The following MYO7B variants were observed in gnomAD, a reference collection of about 807,000 sequenced individuals.
The protein encoded by MYO7B is myosin VIIB, also known as unconventional myosin-VIIb.
MYO7B carries 212 observed loss-of-function variants against 259.7 expected under a neutral mutation model. That is an observed-to-expected ratio of 0.82 (90% CI 0.73 to 0.91). The LOEUF is 0.91. Among genes scored for constraint, MYO7B ranks in the 40% least tolerant of loss-of-function variants. The pLI is 0.00. For missense variants in MYO7B, 2,732 were observed against 2,813.5 expected, an observed-to-expected ratio of 0.97 and a Z score of 0.66; for synonymous variants, 1,197 against 1,166.4, an observed-to-expected ratio of 1.03 and a Z score of -0.54.
Position 127,588,539 on chromosome 2 carries a change from G to T in MYO7B, c.1838G>T (p.Gly613Val). ...GHGTIRQAKA[G>V]NHLFKSADSN... The stretch of plus-strand genomic sequence containing the variant: ...GGGACCATCCGCCAGGCAAAGGCAG[G>T]AAACCATCTCTTCAAGGTGGGCTCC... The change falls in exon 15 of 48, where the codon GGA becomes GTA. Residue 613 changes from glycine (G) to valine (V), a missense_variant. By Grantham distance (109) the Gly-to-Val change is moderately radical. Around this residue, in one of 3 missense-constraint regions of MYO7B, gnomAD observed 1,906 missense variants for 2,026.4 expected, o/e 0.94. Transcript: ENST00000409816. The T allele has an allele frequency of 1.2e-6, 2 of 1,613,244 alleles. No homozygotes were observed. Among genetic ancestry groups the T allele is most frequent in the Non-Finnish European group, 1.7e-6 (2 of 1,179,860 alleles).
Position 127,559,541 on chromosome 2 carries a change from A to G in MYO7B, c.-23-159A>G. The G allele has an allele frequency of 1.5e-6, 1 of 665,120 alleles. No homozygotes were observed. The highest frequency in any genetic ancestry group is 2.7e-6 in the Non-Finnish European group (1 of 370,444). The allele number at this position is 665,120 out of a possible 1,614,324, so 41.2% of individuals were successfully genotyped here. On this transcript the variant is annotated intron_variant, in intron 1 of 47. Transcript: ENST00000409816. The surrounding 1 kb of genome is among the most constrained non-coding windows in gnomAD (Gnocchi z 4.1). The stretch of plus-strand genomic sequence containing the variant: ...GAACAGCTCTTGCACTTGGGCTAGG[A>G]CTGTGACTCATTCATCCATTTATTC...
chr2:127,631,317 C>G lies in MYO7B; in HGVS notation c.5049C>G (p.Val1683=). Residue 1683 remains valine (V), a synonymous_variant, in exon 37 of 48, where the codon GTC becomes GTG. Coordinates refer to ENST00000409816, the MANE Select transcript of MYO7B (RefSeq NM_001393586.1). The part of the protein sequence containing the change: ...EPLRQPLLKR[V]HANVDLWDIA... ...TGCGACAGCCGCTGCTCAAGCGAGT[C>G]CACGCCAACGTCGACCTCTGGGACA... 1 of 1,612,204 alleles carries G rather than the reference C, an allele frequency of 6.2e-7. No individual in the cohort carries two copies. The highest frequency in any genetic ancestry group is 1.1e-5 in the South Asian group (1 of 91,052).
chr2:127,629,751 A>C lies in MYO7B; in HGVS notation c.4731A>C (p.Thr1577=). ...GGACCCTCGGCCAGAACGACAGGACAGGCAAGACGGGGCTGGTGCCCATGG... is the reference window on the plus strand; with the variant it reads ...GGACCCTCGGCCAGAACGACAGGACCGGCAAGACGGGGCTGGTGCCCATGG... The part of the protein sequence containing the change: ...ENWTLGQNDR[T]GKTGLVPMAC... The change falls in exon 35 of 48, where the codon ACA becomes ACC. Residue 1577 remains threonine, a synonymous_variant. Transcript: ENST00000409816. 2 of 1,611,740 alleles carry C rather than the reference A, an allele frequency of 1.2e-6. No homozygotes were observed. Among genetic ancestry groups the C allele is most frequent in the Non-Finnish European group, 1.7e-6 (2 of 1,179,132 alleles).
intron 6 of MYO7B, among the ~76,000 whole-genome samples, chr2:127,573,444 G>C (rs1033732697): frequency 6.6e-6 from 1 of 152,192 alleles, no homozygotes; most frequent in Non-Finnish European, 1.5e-5. Flanking sequence ...TGGACACGCT[G>C]TTGGCACTCC....
At chr2:127,622,222 C>A in intron 28 of MYO7B, 121 bp downstream of exon 28, 1 of 1,344,610 alleles carries the variant, frequency 7.4e-7, no homozygotes, top group Non-Finnish European at 9.9e-7. Flanking sequence ...GCCCCGCCAT[C>A]TCCTCTGCAG....
Position 127,622,019 on chromosome 2 carries a change from A to G in MYO7B, c.3563A>G (p.Tyr1188Cys), listed in dbSNP as rs1397831888. 12 of 1,551,644 alleles carry G rather than the reference A, an allele frequency of 7.7e-6. No homozygotes were observed. Among genetic ancestry groups the G allele is most frequent in the Non-Finnish European group, 9.6e-6 (11 of 1,146,968 alleles). Residue 1188 changes from tyrosine to cysteine, a missense_variant, in exon 28 of 48, where the codon TAC becomes TGC. By Grantham distance (194) the Tyr-to-Cys change is radical. Transcript: ENST00000409816. ...LNFIGQGPAT[Y>C]GPFCAERLRR... Reference sequence around the variant, plus strand: ...TTCATCGGCCAAGGGCCGGCGACCTACGGCCCCTTCTGTGCCGAGCGCCTG... The same window carrying G: ...TTCATCGGCCAAGGGCCGGCGACCTGCGGCCCCTTCTGTGCCGAGCGCCTG...
intron 38 of MYO7B, 86 bp from the exon 39 acceptor site, chr2:127,632,160 C>T: frequency 3.4e-6 from 5 of 1,470,580 alleles, no homozygotes; most frequent in Non-Finnish European, 2.7e-6. Flanking sequence ...CCAGGCAGCT[C>T]TCACATCCGT....
At position 127,637,320 on chromosome 2, in the gene MYO7B, A is replaced by T. The variant is rs755945906; in HGVS notation, c.6332A>T (p.Tyr2111Phe). The change falls in exon 48 of 48, where the codon TAT becomes TTT. Residue 2111 changes from tyrosine to phenylalanine, a missense_variant. Tyr to Phe is a conservative substitution (Grantham distance 22). Around this residue, in one of 3 missense-constraint regions of MYO7B, gnomAD observed 821 missense variants for 769.3 expected, o/e 1.07. Transcript: ENST00000409816. ...SRLLCETSLG[Y>F]KMDDLLTSYV... is the part of the protein sequence containing the mutation. ...ACCCCCCCGTCCCCTGTCCAGGGCTATAAGATGGATGACCTGCTGACCTCA... is the reference window on the plus strand; with the variant it reads ...ACCCCCCCGTCCCCTGTCCAGGGCTTTAAGATGGATGACCTGCTGACCTCA... The T allele has an allele frequency of 1.7e-5, 27 of 1,582,210 alleles. No homozygotes were observed. The highest frequency in any genetic ancestry group is 2.3e-5 in the Non-Finnish European group (27 of 1,163,902).
rs1268661872 is a variant in MYO7B at position 127,546,222 on chromosome 2, C to T, written c.-24+10391C>T. Among the ~76,000 whole-genome samples the T allele has an allele frequency of 1.3e-5, 2 of 152,224 alleles. No individual in the cohort carries two copies. The highest frequency in any genetic ancestry group is 4.8e-5 in the African/African-American group (2 of 41,466). ...GGGCTGGTATCCCATAGGCCAGAGT[C>T]TCAATGTTAGCTTTGCTTCTTGGAC... On this transcript the variant is annotated intron_variant, in intron 1 of 47. Coordinates refer to ENST00000409816, the MANE Select transcript of MYO7B (RefSeq NM_001393586.1). The surrounding 1 kb of genome is among the most constrained non-coding windows in gnomAD (Gnocchi z 4.2).
chr2:127,573,663 C>T (rs559325224), intron 6 of MYO7B, among the ~76,000 whole-genome samples: 15 of 152,360 alleles, frequency 9.8e-5, no homozygotes, highest in Middle Eastern at 3.4e-3. Context: ...CCACTGCTTT[C>T]CTCCTGCATC....
intron 1 of MYO7B, among the ~76,000 whole-genome samples, chr2:127,558,188 G>T (rs968973726): frequency 2.0e-5 from 3 of 152,032 alleles, no homozygotes; most frequent in African/African-American, 4.8e-5. Flanking sequence ...GTGGGCTAAG[G>T]TTATGAATAG....
At chr2:127,569,723 G>A in intron 5 of MYO7B, 66 bp from the exon 6 acceptor site, 1 of 1,544,146 alleles carries the variant, frequency 6.5e-7, no homozygotes, top group South Asian at 1.3e-5. Context: ...GTTTGCAGGA[G>A]AGTTGAGAGG....
rs139539695 is a variant in MYO7B at position 127,609,143 on chromosome 2, C to T, written c.2814+265C>T. ...CGGGCTCTCCATCACATGGCATTCC[C>T]CGCGTATATTTGACCCCACCCGGGC... On this transcript the variant is annotated intron_variant, in intron 22 of 47. Transcript: ENST00000409816. This position sits in a 1 kb window ranked among gnomAD's most constrained non-coding sequence, Gnocchi z 6.9. 4.6e-3 allele frequency among the ~76,000 whole-genome samples: 695 copies of T among 152,308 alleles called. 3 individuals carry two copies. The highest frequency in any genetic ancestry group is 7.0e-3 in the Non-Finnish European group (473 of 68,014).
chr2:127,636,961 C>T lies in MYO7B; in HGVS notation c.6327+48C>T, dbSNP rs1038989527. Reference sequence around the variant, plus strand: ...ATCCAAGATGCATAGGACAGAGCTGCTGGAGACTGGGTTCCCCACCCTCAC... The same window carrying T: ...ATCCAAGATGCATAGGACAGAGCTGTTGGAGACTGGGTTCCCCACCCTCAC... On this transcript the variant is annotated intron_variant, in intron 47 of 47. Transcript: ENST00000409816. The surrounding 1 kb of genome is among the most constrained non-coding windows in gnomAD (Gnocchi z 4.5). 17 of 1,601,434 alleles carry T rather than the reference C, an allele frequency of 1.1e-5. No homozygotes were observed. Among genetic ancestry groups the T allele is most frequent in the Admixed American group, 3.4e-5 (2 of 59,700 alleles).
rs1478202838 is a variant in MYO7B at position 127,577,401 on chromosome 2, T to C, written c.849+693T>C. Among the ~76,000 whole-genome samples, 1 of 152,188 alleles carries C rather than the reference T, an allele frequency of 6.6e-6. No homozygotes were observed. The highest frequency in any genetic ancestry group is 1.5e-5 in the Non-Finnish European group (1 of 68,022). On this transcript the variant is annotated intron_variant, in intron 8 of 47. Transcript: ENST00000409816. The surrounding 1 kb of genome is among the most constrained non-coding windows in gnomAD (Gnocchi z 5.2). ...CAAAGCACTCTTCCTGTAGGAAGGTTTGCACTGTAGTGTCATGCTTTGGAT... is the reference window on the plus strand; with the variant it reads ...CAAAGCACTCTTCCTGTAGGAAGGTCTGCACTGTAGTGTCATGCTTTGGAT...
rs1208150328 is a variant in MYO7B at position 127,577,348 on chromosome 2, AC to A, written c.849+642del. Among the ~76,000 whole-genome samples, 4 of 151,846 alleles carry A rather than the reference AC, an allele frequency of 2.6e-5. No individual in the cohort carries two copies. Among genetic ancestry groups the A allele is most frequent in the Non-Finnish European group, 5.9e-5 (4 of 67,960 alleles). On this transcript the variant is annotated intron_variant, in intron 8 of 47. Transcript: ENST00000409816. This position sits in a 1 kb window ranked among gnomAD's most constrained non-coding sequence, Gnocchi z 5.2. Reference sequence around the variant, plus strand: ...CATGGGTCCCCCATCGCCAGTCTTGACCTCTAATCTGTCATCTACCCTGCAG... The same window carrying A: ...CATGGGTCCCCCATCGCCAGTCTTGACTCTAATCTGTCATCTACCCTGCAG...
chr2:127,545,586 C>T (rs1245662553), intron 1 of MYO7B, among the ~76,000 whole-genome samples: 1 of 152,234 alleles, frequency 6.6e-6, no homozygotes, highest in Non-Finnish European at 1.5e-5. Flanking sequence ...GGGAGCAGTT[C>T]CCCTTTCTTT....
At position 127,571,447 on chromosome 2, in the gene MYO7B, T is replaced by TTTTTTGTTTTTTTTTTTTG. The variant is rs1443103247; in HGVS notation, c.592+1542_592+1543insGTTTTTTTTTTTTGTTTTT. 7.7e-5 allele frequency among the ~76,000 whole-genome samples: 11 copies of TTTTTTGTTTTTTTTTTTTG among 143,278 alleles called. 2 individuals are homozygous for TTTTTTGTTTTTTTTTTTTG. In the South Asian group the frequency reaches 1.8e-3, roughly 23 times the overall value. The allele number at this position is 143,278 out of a possible 152,430, so 94.0% of individuals were successfully genotyped here. ...GTCTATTTCCTTACCAGTGAGTTTT[T>TTTTTTGTTTTTTTTTTTTG]TTTTTTTTTTTTGCTTGTTTGTTTT... On this transcript the variant is annotated intron_variant, in intron 6 of 47. Coordinates refer to ENST00000409816, the MANE Select transcript of MYO7B (RefSeq NM_001393586.1).
At chr2:127,622,648 G>A (rs1680896918) in intron 28 of MYO7B, among the ~76,000 whole-genome samples, 1 of 152,232 alleles carries the variant, frequency 6.6e-6, no homozygotes, top group Non-Finnish European at 1.5e-5. Context: ...TGTGACCCGA[G>A]GTGCCCTATA....
Sources: gnomAD v4.1 joint callset for allele counts (sites outside exome capture counted in the v4.1 genomes callset) on GRCh38, gnomAD v4.1.1 for gene constraint, gnomAD v4.1.1 regional missense constraint, Gnocchi (gnomAD v3.1) non-coding constraint, MANE v1.5 for transcripts, NCBI Gene and HGNC (gene_info 2026-07-23, HGNC 2026-07-21) for gene names.